The following ZNF385D variants were observed in gnomAD, a reference collection of about 807,000 sequenced individuals.
ZNF385D encodes zinc finger protein 659.
In ZNF385D, 15 loss-of-function variants were observed where a neutral mutation model predicts 35.8. That is an observed-to-expected ratio of 0.42 (90% CI 0.28 to 0.64). The LOEUF is 0.64. Ranked by LOEUF, ZNF385D falls within the 30% of genes least tolerant of loss-of-function variation. The probability of loss-of-function intolerance (pLI) is 0.23; values close to 1 mark genes in which losing one functional copy is unlikely to be tolerated. For missense variants in ZNF385D, 474 were observed against 494.6 expected, an observed-to-expected ratio of 0.96 and a Z score of 0.39; for synonymous variants, 212 against 186.8, an observed-to-expected ratio of 1.13 and a Z score of -1.10.
At position 21,658,968 on chromosome 3, in the gene ZNF385D, G is replaced by A. The variant is rs79795640; in HGVS notation, c.165+5918C>T. 8.2e-3 allele frequency among the ~76,000 whole-genome samples: 1,252 copies of A among 152,124 alleles called. 19 individuals carry two copies. Among genetic ancestry groups the A allele is most frequent in the African/African-American group, 0.029 (1,218 of 41,520 alleles). Reference sequence around the variant, plus strand: ...TGTTTTTCTAGTACCTGATAGAAGAGAATGTTTAAAGGAGTACTAATCAAC... The same window carrying A: ...TGTTTTTCTAGTACCTGATAGAAGAAAATGTTTAAAGGAGTACTAATCAAC... On this transcript the variant is annotated intron_variant, in intron 2 of 7. Coordinates refer to ENST00000281523, the MANE Select transcript of ZNF385D (RefSeq NM_024697.3).
rs1702272493 is a variant in ZNF385D at position 21,956,118 on chromosome 3, T to TA, written c.325+212698dup. Among the ~76,000 whole-genome samples the TA allele has an allele frequency of 3.3e-5, 5 of 151,298 alleles. No individual in the cohort carries two copies. In the South Asian group the frequency reaches 1.0e-3, roughly 32 times the overall value. ...AGAGGATCTGCTTGAGCCCAGGAGA[T>TA]AGAGGCTGCAGTGAGCCGTGATCAC... On this transcript the variant is annotated intron_variant, in intron 3 of 5. Transcript: ENST00000494108.
intron 1 of ZNF385D, among the ~76,000 whole-genome samples, chr3:21,727,477 G>GA (rs1225158531): frequency 1.3e-5 from 2 of 151,720 alleles, no homozygotes; most frequent in African/African-American, 4.8e-5. Flanking sequence ...AAATTTACAA[G>GA]AAAAAAACAA....
chr3:21,481,074 G>A (rs1704598315), intron 4 of ZNF385D, among the ~76,000 whole-genome samples: 1 of 152,290 alleles, frequency 6.6e-6, no homozygotes, highest in South Asian at 2.1e-4. Flanking sequence ...ACAAAAAGCT[G>A]TCTAAGACAC....
At chr3:21,817,846 G>A (rs1169868810) in intron 3 of ZNF385D, among the ~76,000 whole-genome samples, 5 of 152,044 alleles carry the variant, frequency 3.3e-5, no homozygotes, top group Admixed American at 6.6e-5. Flanking sequence ...AGGATTATAC[G>A]TAAATCATGC....
chr3:21,439,225 C>A (rs1276460329), intron 4 of ZNF385D, among the ~76,000 whole-genome samples: 3 of 147,348 alleles, frequency 2.0e-5, no homozygotes, highest in Non-Finnish European at 4.5e-5. Flanking sequence ...GAAAATTTCC[C>A]AAGGACACAA....
intron 3 of ZNF385D, among the ~76,000 whole-genome samples, chr3:21,541,571 CATT>C (rs1559385792): frequency 2.6e-5 from 4 of 152,120 alleles, no homozygotes; most frequent in African/African-American, 9.7e-5. Context: ...CAGGAATAGA[CATT>C]AATATGAGTT....
intron 2 of ZNF385D, among the ~76,000 whole-genome samples, chr3:22,196,952 T>C (rs904694316): frequency 1.3e-5 from 2 of 152,060 alleles, no homozygotes; most frequent in African/African-American, 2.4e-5. Context: ...AAGTTACTTT[T>C]ATTTTTGAAG....
intron 3 of ZNF385D, among the ~76,000 whole-genome samples, chr3:21,942,025 A>G (rs1197749274): frequency 6.6e-6 from 1 of 152,168 alleles, no homozygotes; most frequent in Non-Finnish European, 1.5e-5. Context: ...TCTCTTTTAT[A>G]AAGAAAATAT....
At chr3:22,047,928 C>G (rs1047352918) in intron 3 of ZNF385D, among the ~76,000 whole-genome samples, 3 of 152,040 alleles carry the variant, frequency 2.0e-5, no homozygotes, top group Admixed American at 6.6e-5. Flanking sequence ...GGTTTTTTTG[C>G]TAATATTATT....
intron 3 of ZNF385D, among the ~76,000 whole-genome samples, chr3:22,081,301 C>G (rs1192103717): frequency 1.3e-5 from 2 of 152,084 alleles, no homozygotes; most frequent in East Asian, 3.9e-4. Flanking sequence ...TAGTATAGAA[C>G]TGGGGATGCG....
chr3:21,921,712 C>T (rs985464781), intron 3 of ZNF385D, among the ~76,000 whole-genome samples: 2 of 151,726 alleles, frequency 1.3e-5, no homozygotes, highest in African/African-American at 4.8e-5. Context: ...ATTGTGAATA[C>T]CTCTACGCTC....
At chr3:21,626,046 A>T (rs2125824413) in intron 2 of ZNF385D, among the ~76,000 whole-genome samples, 1 of 152,204 alleles carries the variant, frequency 6.6e-6, no homozygotes, top group East Asian at 1.9e-4. Context: ...CATTTTACAG[A>T]TGAGGAAACT....
intron 2 of ZNF385D, among the ~76,000 whole-genome samples, chr3:22,256,691 C>A (rs980042695): frequency 6.6e-6 from 1 of 151,842 alleles, no homozygotes; most frequent in Non-Finnish European, 1.5e-5. Context: ...CCTTTTAAGA[C>A]AATGTCTATA....
chr3:22,315,842 G>C (rs560696914), intron 2 of ZNF385D, among the ~76,000 whole-genome samples: 1 of 152,232 alleles, frequency 6.6e-6, no homozygotes, highest in South Asian at 2.1e-4. Context: ...TCCTTGTTCA[G>C]AGACTGAATC....
rs146735342 is a variant in ZNF385D at position 21,566,128 on chromosome 3, T to G, written c.166-1444A>C. ...ACAATAAAAATAGTAGCAGTTAGCA[T>G]TTATTATAATGCTTTCCATAGGCTA... On this transcript the variant is annotated intron_variant, in intron 2 of 7. Transcript: ENST00000281523. 3.3e-3 allele frequency among the ~76,000 whole-genome samples: 500 copies of G among 152,322 alleles called. 7 individuals carry two copies. The highest frequency in any genetic ancestry group is 0.012 in the African/African-American group (481 of 41,576).
intron 3 of ZNF385D, among the ~76,000 whole-genome samples, chr3:21,848,913 C>T (rs1696193881): frequency 6.6e-6 from 1 of 152,044 alleles, no homozygotes; most frequent in African/African-American, 2.4e-5. Context: ...TCATAGTCTT[C>T]TATCTTAGAA....
chr3:21,887,858 T>C (rs914130265), intron 3 of ZNF385D, among the ~76,000 whole-genome samples: 2 of 152,098 alleles, frequency 1.3e-5, no homozygotes, highest in African/African-American at 2.4e-5. Flanking sequence ...GGTTAATTAA[T>C]TGATAGAATG....
intron 3 of ZNF385D, among the ~76,000 whole-genome samples, chr3:21,798,514 C>T (rs570533424): frequency 3.3e-5 from 5 of 152,270 alleles, no homozygotes; most frequent in Admixed American, 1.3e-4. Context: ...GCAGGGGAAG[C>T]GTCTGCTGCA....
chr3:22,244,158 C>T (rs905910190), intron 2 of ZNF385D, among the ~76,000 whole-genome samples: 1 of 150,034 alleles, frequency 6.7e-6, no homozygotes, highest in East Asian at 2.0e-4. Flanking sequence ...GTGCAAGAAC[C>T]TTCTTAAGGG....
Sources: allele counts gnomAD v4.1 joint callset (sites outside exome capture counted in the v4.1 genomes callset), GRCh38; gene constraint gnomAD v4.1.1; transcripts MANE v1.5; gene names NCBI Gene and HGNC (gene_info 2026-07-23, HGNC 2026-07-21).